FHIT: variants seen among roughly 807,000 people sequenced by gnomAD.
FHIT encodes the protein fragile histidine triad diadenosine triphosphatase, also known as bis(5'-adenosyl)-triphosphatase.
In FHIT, 19 loss-of-function variants were observed where a neutral mutation model predicts 17.9. The ratio of observed to expected loss-of-function variants is 1.06; its 90% CI spans 0.74 to 1.56. The LOEUF (loss-of-function observed/expected upper bound fraction) is 1.56, where lower values mean the gene tolerates loss of function less well. Ranked by LOEUF, FHIT falls within the 40% of genes most tolerant of loss-of-function variation. The pLI is 0.00. For missense variants in FHIT, 248 were observed against 189.2 expected, an observed-to-expected ratio of 1.31 and a Z score of -1.82; for synonymous variants, 81 against 69.7, an observed-to-expected ratio of 1.16 and a Z score of -0.81.
At position 60,129,049 on chromosome 3, in the gene FHIT, G is replaced by GTTGT. The variant is rs759645654; in HGVS notation, c.104-114898_104-114897insACAA. Among the ~76,000 whole-genome samples the GTTGT allele has an allele frequency of 6.6e-4, 80 of 121,032 alleles. 2 individuals are homozygous for GTTGT. The highest frequency in any genetic ancestry group is 8.3e-4 in the African/African-American group (23 of 27,796). The allele number at this position is 121,032 out of a possible 152,430, so 79.4% of individuals were successfully genotyped here. ...TTTCCCTTTTCTTCTTTCCTTTTTT[G>GTTGT]TTTGTTTTTTTTTTTTTTTTTGAAA... On this transcript the variant is annotated intron_variant, in intron 5 of 9. Coordinates refer to ENST00000492590, the MANE Select transcript of FHIT (RefSeq NM_002012.4).
intron 8 of FHIT, among the ~76,000 whole-genome samples, chr3:59,863,209 T>G (rs1702484186): frequency 6.6e-6 from 1 of 152,172 alleles, no homozygotes; most frequent in South Asian, 2.1e-4. Context: ...CCCCAGCCAC[T>G]CTACGATAAA....
chr3:60,874,854 G>T (rs1245976392), intron 3 of FHIT, among the ~76,000 whole-genome samples: 1 of 152,152 alleles, frequency 6.6e-6, no homozygotes, highest in Non-Finnish European at 1.5e-5. Context: ...CATGACCTCT[G>T]AAATAGGAAG....
chr3:60,953,452 A>G (rs1169789979), intron 3 of FHIT, among the ~76,000 whole-genome samples: 2 of 152,166 alleles, frequency 1.3e-5, no homozygotes, highest in Non-Finnish European at 2.9e-5. Flanking sequence ...TTAAAAAAAA[A>G]AGTCAACTTT....
At chr3:60,406,603 A>C (rs1452115784) in intron 5 of FHIT, among the ~76,000 whole-genome samples, 1 of 145,836 alleles carries the variant, frequency 6.9e-6, no homozygotes, top group African/African-American at 2.6e-5. Flanking sequence ...GTAAAGATCA[A>C]TCTTAATATG....
At chr3:59,777,136 A>G (rs1702362838) in intron 8 of FHIT, among the ~76,000 whole-genome samples, 1 of 151,976 alleles carries the variant, frequency 6.6e-6, no homozygotes, top group South Asian at 2.1e-4. Flanking sequence ...CTTCTCCCAT[A>G]TCCACCTTCG....
intron 5 of FHIT, among the ~76,000 whole-genome samples, chr3:60,322,739 G>T (rs1709491091): frequency 6.6e-6 from 1 of 152,186 alleles, no homozygotes; most frequent in Non-Finnish European, 1.5e-5. Flanking sequence ...ACTGTAATCT[G>T]AGAAATAATC....
intron 5 of FHIT, among the ~76,000 whole-genome samples, chr3:60,222,644 C>G (rs9838914): frequency 2.6e-5 from 4 of 152,030 alleles, no homozygotes; most frequent in Non-Finnish European, 5.9e-5. Context: ...CAAAAATTAG[C>G]TGGGTTAAAA....
intron 1 of FHIT, among the ~76,000 whole-genome samples, chr3:61,219,356 T>C (rs1008515874): frequency 2.0e-5 from 3 of 151,410 alleles, no homozygotes; most frequent in Non-Finnish European, 1.5e-5. Flanking sequence ...TGTGTGTGTG[T>C]GTGTGTGTTT....
chr3:61,169,764 T>C (rs1226760262), intron 2 of FHIT, among the ~76,000 whole-genome samples: 1 of 152,214 alleles, frequency 6.6e-6, no homozygotes, highest in African/African-American at 2.4e-5. Flanking sequence ...TTAAGGACTA[T>C]TGCAATAGCA....
chr3:60,008,098 G>A (rs951252488), intron 7 of FHIT, among the ~76,000 whole-genome samples: 1 of 152,122 alleles, frequency 6.6e-6, no homozygotes, highest in African/African-American at 2.4e-5. Context: ...AAAGACAGAG[G>A]TACAGGTGCA....
At chr3:60,270,830 G>C (rs1706823457) in intron 5 of FHIT, among the ~76,000 whole-genome samples, 1 of 152,178 alleles carries the variant, frequency 6.6e-6, no homozygotes, top group African/African-American at 2.4e-5. Context: ...ACACCGGCAA[G>C]GATTTTATCC....
intron 2 of FHIT, among the ~76,000 whole-genome samples, chr3:61,058,230 T>C (rs1195847905): frequency 6.6e-6 from 1 of 152,194 alleles, no homozygotes; most frequent in Non-Finnish European, 1.5e-5. Context: ...TCTCCACATA[T>C]GGCACAACAA....
intron 2 of FHIT, among the ~76,000 whole-genome samples, chr3:61,164,430 G>T (rs770702569): frequency 6.6e-6 from 1 of 152,144 alleles, no homozygotes; most frequent in African/African-American, 2.4e-5. Context: ...ATCAACAATC[G>T]CTTCAGGTGA....
intron 3 of FHIT, among the ~76,000 whole-genome samples, chr3:61,017,546 T>C (rs2107637987): frequency 6.6e-6 from 1 of 152,340 alleles, no homozygotes; most frequent in South Asian, 2.1e-4. Context: ...GATGTATCAT[T>C]CACACAATTT....
At chr3:59,817,943 C>T (rs993229941) in intron 8 of FHIT, among the ~76,000 whole-genome samples, 13 of 151,500 alleles carry the variant, frequency 8.6e-5, no homozygotes, top group African/African-American at 1.2e-4. Flanking sequence ...AAACAAAGGA[C>T]GAGAGGCTGG....
intron 8 of FHIT, among the ~76,000 whole-genome samples, chr3:59,915,244 C>T (rs552520456): frequency 6.6e-6 from 1 of 152,232 alleles, no homozygotes; most frequent in Non-Finnish European, 1.5e-5. Context: ...TAGGACTCTG[C>T]ACAAGAAAGC....
intron 1 of FHIT, among the ~76,000 whole-genome samples, chr3:61,227,166 C>A (rs2039991661): frequency 6.6e-6 from 1 of 152,090 alleles, no homozygotes; most frequent in African/African-American, 2.4e-5. Flanking sequence ...AGAATGTTTC[C>A]TTTCAAAGAA....
At chr3:60,388,198 T>A (rs934103872) in intron 5 of FHIT, among the ~76,000 whole-genome samples, 8 of 152,194 alleles carry the variant, frequency 5.3e-5, no homozygotes, top group Admixed American at 2.0e-4. Flanking sequence ...TAACCACATC[T>A]GAGATAAAAT....
chr3:60,756,714 G>A (rs1553718370), intron 4 of FHIT, among the ~76,000 whole-genome samples: 1 of 152,148 alleles, frequency 6.6e-6, no homozygotes, highest in African/African-American at 2.4e-5. Flanking sequence ...ACAACTCTAG[G>A]AATTAGGCCG....
Sources: allele counts gnomAD v4.1 joint callset (sites outside exome capture counted in the v4.1 genomes callset), GRCh38; gene constraint gnomAD v4.1.1; transcripts MANE v1.5; gene names NCBI Gene and HGNC (gene_info 2026-07-23, HGNC 2026-07-21).